The following RSRC1 variants were observed in gnomAD, a reference collection of about 807,000 sequenced individuals.
The protein encoded by RSRC1 is arginine and serine rich coiled-coil 1.
A neutral mutation model predicts 49.1 loss-of-function variants in RSRC1; 39 were observed. That is an observed-to-expected ratio of 0.79 (90% confidence interval 0.61 to 1.04). The LOEUF is 1.04. RSRC1 is among the 50% of genes least tolerant of loss of function. The pLI, the probability that RSRC1 is intolerant of heterozygous loss-of-function variation, is 0.00. For synonymous variants in RSRC1, 143 were observed against 130.8 expected (o/e 1.09, Z -0.63); for missense variants, 388 against 402.4 (o/e 0.96, Z 0.31).
At chr3:158,121,023 G>A (rs1477553153) in intron 1 of RSRC1, among the ~76,000 whole-genome samples, 4 of 151,570 alleles carry the variant, frequency 2.6e-5, no homozygotes, top group South Asian at 2.1e-4. Context: ...CTAAATGTCC[G>A]TGTTACCATA....
chr3:158,210,782 C>G (rs1721630364), intron 4 of RSRC1, among the ~76,000 whole-genome samples: 1 of 151,990 alleles, frequency 6.6e-6, no homozygotes, highest in African/African-American at 2.4e-5. Flanking sequence ...AAAAAACATT[C>G]AGCAAAAGCA....
chr3:158,375,127 A>G (rs1411599382), intron 6 of RSRC1, among the ~76,000 whole-genome samples: 1 of 151,368 alleles, frequency 6.6e-6, no homozygotes, highest in African/African-American at 2.4e-5. Context: ...ACTGTTAATC[A>G]AAGACCTTGA....
chr3:158,112,855 C>T (rs1161324288), intron 1 of RSRC1, among the ~76,000 whole-genome samples: 1 of 152,108 alleles, frequency 6.6e-6, no homozygotes, highest in Non-Finnish European at 1.5e-5. Flanking sequence ...TCCATGTGTT[C>T]TCAATATTCA....
At chr3:158,157,077 A>G (rs1163207976) in intron 3 of RSRC1, among the ~76,000 whole-genome samples, 2 of 152,224 alleles carry the variant, frequency 1.3e-5, no homozygotes, top group Admixed American at 6.5e-5. Flanking sequence ...CAGCACTTTT[A>G]AAAAGGGTTA....
chr3:158,419,281 C>T (rs1734912538), intron 6 of RSRC1, among the ~76,000 whole-genome samples: 2 of 151,936 alleles, frequency 1.3e-5, no homozygotes, highest in Non-Finnish European at 2.9e-5. Flanking sequence ...CTGATTAGTA[C>T]TTATGGCTGT....
intron 8 of RSRC1, among the ~76,000 whole-genome samples, chr3:158,542,699 A>G (rs951018308): frequency 1.1e-4 from 16 of 152,202 alleles, no homozygotes; most frequent in Admixed American, 8.5e-4. Context: ...TGCTAATGGT[A>G]TGAGGTTTTG....
At chr3:158,531,389 C>A (rs2108500505) in intron 7 of RSRC1, among the ~76,000 whole-genome samples, 1 of 151,996 alleles carries the variant, frequency 6.6e-6, no homozygotes, top group Middle Eastern at 3.4e-3. Context: ...TAAAGCTTAG[C>A]CTGATGCCCA....
intron 7 of RSRC1, among the ~76,000 whole-genome samples, chr3:158,478,647 C>T (rs1370833609): frequency 6.6e-6 from 1 of 151,938 alleles, no homozygotes; most frequent in Non-Finnish European, 1.5e-5. Context: ...TTTATAACCT[C>T]CCCCTCCCTT....
At chr3:158,282,476 C>A (rs923194574) in intron 4 of RSRC1, among the ~76,000 whole-genome samples, 1 of 152,102 alleles carries the variant, frequency 6.6e-6, no homozygotes, top group Non-Finnish European at 1.5e-5. Flanking sequence ...ATGTATTGAA[C>A]AATCCTCATC....
intron 3 of RSRC1, among the ~76,000 whole-genome samples, chr3:158,166,567 TATTTTAAGG>T (rs1231741488): frequency 6.6e-6 from 1 of 152,220 alleles, no homozygotes; most frequent in Non-Finnish European, 1.5e-5. Flanking sequence ...TTATGCAGAA[TATTTTAAGG>T]TATTGCCAAC....
intron 6 of RSRC1, among the ~76,000 whole-genome samples, chr3:158,434,852 TGGGGG>T (rs1735964598): frequency 6.6e-6 from 1 of 151,870 alleles, no homozygotes; most frequent in African/African-American, 2.4e-5. Flanking sequence ...AGACATCACA[TGGGGG>T]TAAAGTTTTT....
At position 158,544,319 on chromosome 3, in the gene RSRC1, G is replaced by A; in HGVS notation, c.*44G>A. ...GATTGGATTGTCAGCAGTAACATTGGAAATTTAGGTTTTTAAATCCCAATA... is the reference window on the plus strand; with the variant it reads ...GATTGGATTGTCAGCAGTAACATTGAAAATTTAGGTTTTTAAATCCCAATA... On this transcript the variant is annotated 3_prime_UTR_variant, in exon 10 of 10. Transcript: ENST00000611884. 1 of 1,277,914 alleles carries A rather than the reference G, an allele frequency of 7.8e-7. No individual in the cohort carries two copies. The highest frequency in any genetic ancestry group is 1.1e-6 in the Non-Finnish European group (1 of 914,008). The allele number at this position is 1,277,914 out of a possible 1,614,324, so 79.2% of individuals were successfully genotyped here. A position where few individuals can be genotyped will look rare whatever the true frequency, so the allele number is the denominator to read the frequency against.
intron 6 of RSRC1, among the ~76,000 whole-genome samples, chr3:158,454,626 G>C (rs557361411): frequency 6.6e-6 from 1 of 152,092 alleles, no homozygotes; most frequent in Non-Finnish European, 1.5e-5. Flanking sequence ...TATTTACAGT[G>C]ATAGTGATTC....
At chr3:158,360,194 C>T (rs976735029) in intron 6 of RSRC1, among the ~76,000 whole-genome samples, 3 of 152,144 alleles carry the variant, frequency 2.0e-5, no homozygotes, top group Non-Finnish European at 4.4e-5. Context: ...GCAGGTCCTC[C>T]CCTTGTCTCT....
chr3:158,393,107 C>A (rs1245032478), intron 6 of RSRC1, among the ~76,000 whole-genome samples: 2 of 151,976 alleles, frequency 1.3e-5, no homozygotes, highest in East Asian at 1.9e-4. Flanking sequence ...TAAAAAAATT[C>A]TTTGAAACTA....
chr3:158,212,633 A>G (rs1441515130), intron 4 of RSRC1, among the ~76,000 whole-genome samples: 1 of 151,878 alleles, frequency 6.6e-6, no homozygotes, highest in Admixed American at 6.6e-5. Flanking sequence ...TAAACACACT[A>G]TTTCATTGAG....
Position 158,256,311 on chromosome 3 carries a change from G to A in RSRC1, c.495-41728G>A, listed in dbSNP as rs763689036. 5.9e-5 allele frequency among the ~76,000 whole-genome samples: 9 copies of A among 152,116 alleles called. No individual in the cohort carries two copies. The South Asian group carries it at 8.3e-4, about 14-fold the overall frequency. On this transcript the variant is annotated intron_variant, in intron 4 of 9. Coordinates refer to ENST00000611884, the MANE Select transcript of RSRC1 (RefSeq NM_001271838.2). ...GTCGATGGCCTTTTCAGCACCTCTC[G>A]AGATAATAATGTGGTTTTTGTCGTT...
At chr3:158,277,139 A>T (rs1490219212) in intron 4 of RSRC1, among the ~76,000 whole-genome samples, 1 of 152,182 alleles carries the variant, frequency 6.6e-6, no homozygotes, top group Non-Finnish European at 1.5e-5. Context: ...GTATAATAAT[A>T]ATTATTGAGC....
intron 5 of RSRC1, among the ~76,000 whole-genome samples, chr3:158,343,978 C>CA (rs1385261954): frequency 6.6e-6 from 1 of 152,022 alleles, no homozygotes; most frequent in Admixed American, 6.6e-5. Flanking sequence ...CCCAAACACA[C>CA]AAAAAAAGAT....
Sources: gnomAD v4.1 joint callset for allele counts (sites outside exome capture counted in the v4.1 genomes callset) on GRCh38, gnomAD v4.1.1 for gene constraint, MANE v1.5 for transcripts, NCBI Gene and HGNC (gene_info 2026-07-23, HGNC 2026-07-21) for gene names.